The following SH3BP2 variants were observed in gnomAD, a reference collection of about 807,000 sequenced individuals.
SH3BP2 encodes the protein SH3 domain binding protein 2.
A neutral mutation model predicts 56.2 loss-of-function variants in SH3BP2; 38 were observed. The observed-to-expected ratio is 0.68, with a 90% CI of 0.52 to 0.89. The LOEUF is 0.89. Ranked by LOEUF, SH3BP2 falls within the 40% of genes least tolerant of loss-of-function variation. SH3BP2 has a pLI of 0.00. For missense variants in SH3BP2, 748 were observed against 762.6 expected (o/e 0.98, Z 0.23); for synonymous variants, 346 against 316.7 (o/e 1.09, Z -0.98).
chr4:2,832,350 C>T lies in SH3BP2; in HGVS notation c.1426C>T (p.Pro476Ser), dbSNP rs776527305. The T allele has an allele frequency of 1.2e-6, 2 of 1,613,902 alleles. No homozygotes were observed. The highest frequency in any genetic ancestry group is 1.1e-5 in the South Asian group (1 of 91,076). ...EVERLFKATS[P>S]RGEPQDGLYC... ...TTTTAGGTTGTTCAAGGCTACAAGC[C>T]CCCGGGGAGAGCCCCAGGATGGACT... The change falls in exon 11 of 13, where the codon CCC (proline) becomes TCC (serine). Residue 476 changes from proline to serine, a missense_variant. Coordinates refer to ENST00000503393, the MANE Select transcript of SH3BP2 (RefSeq NM_001122681.2).
At chr4:2,832,031 C>A in intron 10 of SH3BP2, 53 bp downstream of exon 10, 3 of 1,569,028 alleles carry the variant, frequency 1.9e-6, no homozygotes, top group Admixed American at 1.7e-5. Context: ...CGGCTTCCTG[C>A]TTCTGTGTCC....
chr4:2,822,662 G>A (rs1225045273), intron 2 of SH3BP2, among the ~76,000 whole-genome samples: 1 of 152,218 alleles, frequency 6.6e-6, no homozygotes, highest in Non-Finnish European at 1.5e-5. Flanking sequence ...GCTCCACACA[G>A]CCCCCCAAAT....
At chr4:2,806,276 A>G (rs1458281277) in intron 1 of SH3BP2, among the ~76,000 whole-genome samples, 1 of 152,160 alleles carries the variant, frequency 6.6e-6, no homozygotes, top group African/African-American at 2.4e-5. Flanking sequence ...TAGGGTGCCC[A>G]GGCTGGCTGC....
intron 1 of SH3BP2, among the ~76,000 whole-genome samples, chr4:2,811,414 C>T (rs546557521): frequency 7.9e-5 from 12 of 152,298 alleles, no homozygotes; most frequent in Non-Finnish European, 1.3e-4. Context: ...CCCAGAAAGC[C>T]CCTTTCTCCA....
intron 1 of SH3BP2, among the ~76,000 whole-genome samples, chr4:2,802,657 A>ATGTG (rs144939379): frequency 1.1e-3 from 151 of 141,824 alleles, no homozygotes; most frequent in African/African-American, 4.0e-3. Context: ...ATATATGTAT[A>ATGTG]TGTGTGTGTG....
At chr4:2,824,290 G>A (rs1184879745) in intron 3 of SH3BP2, among the ~76,000 whole-genome samples, 1 of 152,158 alleles carries the variant, frequency 6.6e-6, no homozygotes, top group East Asian at 1.9e-4. Context: ...AGCAGGCCTG[G>A]GCAAATGGGG....
chr4:2,818,799 G>A (rs978628917), intron 1 of SH3BP2: 7 of 986,996 alleles, frequency 7.1e-6, no homozygotes, highest in Non-Finnish European at 7.2e-6. Context: ...GGGTGCAGAA[G>A]GAGCTGGTGG....
At chr4:2,799,680 C>T (rs1560094377) in intron 1 of SH3BP2, among the ~76,000 whole-genome samples, 1 of 152,186 alleles carries the variant, frequency 6.6e-6, no homozygotes, top group Non-Finnish European at 1.5e-5. Flanking sequence ...ACTTGGGACC[C>T]AGGCCCCCTC....
intron 1 of SH3BP2, among the ~76,000 whole-genome samples, chr4:2,802,402 ATATG>A (rs780435798): frequency 0.024 from 2,369 of 100,468 alleles, 58 homozygotes; most frequent in African/African-American, 0.07. Flanking sequence ...TCAAAAAAAT[ATATG>A]TGTGTGTGTG....
intron 1 of SH3BP2, chr4:2,796,700 T>C (rs1335076677): frequency 6.5e-6 from 1 of 153,086 alleles, no homozygotes; most frequent in Non-Finnish European, 1.5e-5. Context: ...TTTACTGCGC[T>C]CCTGCTGAGC....
chr4:2,805,321 G>A (rs1022683107), intron 1 of SH3BP2, among the ~76,000 whole-genome samples: 4 of 152,312 alleles, frequency 2.6e-5, no homozygotes, highest in South Asian at 2.1e-4. Flanking sequence ...GGGCCGGGAG[G>A]TCACCCTGGA....
chr4:2,818,803 C>T, intron 1 of SH3BP2: 7 of 987,028 alleles, frequency 7.1e-6, no homozygotes, highest in Non-Finnish European at 8.4e-6. Context: ...GCAGAAGGAG[C>T]TGGTGGGGTC....
intron 12 of SH3BP2, 103 bp downstream of exon 12, chr4:2,833,152 G>A: frequency 9.8e-7 from 1 of 1,016,474 alleles, no homozygotes; most frequent in South Asian, 1.3e-5. Context: ...GACTGAGACT[G>A]GCACCTCCAG....
At chr4:2,825,033 TCACA>T in intron 4 of SH3BP2, 89 bp from the exon 5 acceptor site, 1 of 1,228,672 alleles carries the variant, frequency 8.1e-7, no homozygotes, top group Non-Finnish European at 1.2e-6. Context: ...ACCTTGGGAG[TCACA>T]GCAGAGCAGG....
At chr4:2,822,883 C>T in intron 2 of SH3BP2, 52 bp from the exon 3 acceptor site, 2 of 1,439,416 alleles carry the variant, frequency 1.4e-6, no homozygotes, top group Non-Finnish European at 1.9e-6. Context: ...CACAGTGGGT[C>T]TTGGCAGCTG....
chr4:2,808,762 C>A (rs1723634047), intron 1 of SH3BP2, among the ~76,000 whole-genome samples: 1 of 151,120 alleles, frequency 6.6e-6, no homozygotes, highest in East Asian at 2.0e-4. Flanking sequence ...TTCCCCCAGG[C>A]TCTGTGCCCA....
At position 2,834,042 on chromosome 4, in the gene SH3BP2, G is replaced by A. The variant is rs959296574; in HGVS notation, c.*208G>A. On this transcript the variant is annotated 3_prime_UTR_variant, in exon 13 of 13. Transcript: ENST00000503393. ...AACCAGGCGCCAGGCTCCAGAGGACGAAGGGACTCTGTTGCCCCACACTAA... is the reference window on the plus strand; with the variant it reads ...AACCAGGCGCCAGGCTCCAGAGGACAAAGGGACTCTGTTGCCCCACACTAA... 2.1e-5 allele frequency: 13 copies of A among 610,536 alleles called. No homozygotes were observed. The highest frequency in any genetic ancestry group is 1.5e-4 in the African/African-American group (8 of 53,996). 37.8% of individuals were successfully genotyped at this position (610,536 alleles called of 1,614,324 possible). A position where few individuals can be genotyped will look rare whatever the true frequency, so the allele number is the denominator to read the frequency against.
intron 1 of SH3BP2, among the ~76,000 whole-genome samples, chr4:2,806,111 G>A (rs923693901): frequency 4.6e-5 from 7 of 152,232 alleles, no homozygotes; most frequent in Non-Finnish European, 5.9e-5. Context: ...CCAGGAGGAG[G>A]GGATTGAGCC....
chr4:2,794,587 CAGGCAGAAGGAAGACAGAT>C (rs1390066422), intron 1 of SH3BP2, among the ~76,000 whole-genome samples: 2 of 152,220 alleles, frequency 1.3e-5, no homozygotes, highest in Non-Finnish European at 2.9e-5. Flanking sequence ...CTGGAGGGGG[CAGGCAGAAGGAAGACAGAT>C]AGGCAGCCGT....
Sources: gnomAD v4.1 joint callset for allele counts (sites outside exome capture counted in the v4.1 genomes callset) on GRCh38, gnomAD v4.1.1 for gene constraint, MANE v1.5 for transcripts, NCBI Gene and HGNC (gene_info 2026-07-23, HGNC 2026-07-21) for gene names.